The following EEIG1 variants were observed in gnomAD, a reference collection of about 807,000 sequenced individuals.
EEIG1 encodes estrogen-induced osteoclastogenesis regulator 1, also known as early estrogen-induced gene 1 protein.
the EEIG1 span, among the ~76,000 whole-genome samples, chr9:127,947,713 T>C: frequency 6.6e-6 from 1 of 152,182 alleles, no homozygotes; most frequent in South Asian, 2.1e-4. Flanking sequence ...AAGCCTTCCC[T>C]GGCCCCAGAT....
chr9:127,950,411 G>A, the EEIG1 span: 4 of 1,613,182 alleles, frequency 2.5e-6, no homozygotes, highest in East Asian at 8.9e-5. Context: ...GAGGTGGCAG[G>A]ATCCCTGGTA....
the EEIG1 span, chr9:127,950,844 A>C: frequency 2.4e-6 from 1 of 422,610 alleles, no homozygotes; most frequent in Non-Finnish European, 3.7e-6. Context: ...TCCGTGACAC[A>C]GATGCATTGT....
At chr9:127,956,556 G>A in the EEIG1 span, among the ~76,000 whole-genome samples, 1 of 151,034 alleles carries the variant, frequency 6.6e-6, no homozygotes, top group Non-Finnish European at 1.5e-5. Context: ...GATTACAGGT[G>A]CCCACCACCA....
the EEIG1 span, among the ~76,000 whole-genome samples, chr9:127,966,781 T>C: frequency 7.2e-5 from 11 of 152,200 alleles, no homozygotes; most frequent in South Asian, 2.1e-4. Context: ...TGCCAAGTAA[T>C]TCTCAAGCAT....
the EEIG1 span, chr9:127,945,241 A>C: frequency 1.2e-6 from 1 of 810,486 alleles, no homozygotes; most frequent in Admixed American, 2.9e-5. The surrounding 1 kb of genome is among the most constrained non-coding windows in gnomAD (Gnocchi z 6.5). Flanking sequence ...AGCTAGTGGA[A>C]TCGTCACCAC....
chr9:127,957,444 A>G, the EEIG1 span, among the ~76,000 whole-genome samples: 4 of 152,246 alleles, frequency 2.6e-5, no homozygotes, highest in Non-Finnish European at 5.9e-5. Flanking sequence ...ACTACAAAAC[A>G]TTGCTGAAAG....
chr9:127,944,488 G>C, the EEIG1 span: 1 of 697,626 alleles, frequency 1.4e-6, no homozygotes, highest in South Asian at 1.7e-5. Flanking sequence ...TCAGAGACAT[G>C]ACAGGCCCAG....
At chr9:127,958,908 C>G in the EEIG1 span, among the ~76,000 whole-genome samples, 1 of 152,146 alleles carries the variant, frequency 6.6e-6, no homozygotes, top group African/African-American at 2.4e-5. Flanking sequence ...AAGTGGTCAA[C>G]AAGCACACAG....
the EEIG1 span, among the ~76,000 whole-genome samples, chr9:127,977,891 T>C: frequency 6.6e-6 from 1 of 152,122 alleles, no homozygotes; most frequent in Non-Finnish European, 1.5e-5. Context: ...GAGGTGCTAG[T>C]AAAACAGGGA....
the EEIG1 span, among the ~76,000 whole-genome samples, chr9:127,949,594 C>T: frequency 6.6e-6 from 1 of 152,312 alleles, no homozygotes; most frequent in African/African-American, 2.4e-5. Flanking sequence ...GCTCCAGCTC[C>T]CAAGACAATC....
chr9:127,975,509 T>A, the EEIG1 span, among the ~76,000 whole-genome samples: 32 of 152,068 alleles, frequency 2.1e-4, no homozygotes, highest in Non-Finnish European at 4.1e-4. Flanking sequence ...GCCTCCTTCA[T>A]ACAGAGAGTT....
chr9:127,965,072 G>A, the EEIG1 span, among the ~76,000 whole-genome samples: 2 of 121,522 alleles, frequency 1.6e-5, no homozygotes, highest in African/African-American at 3.2e-5. Context: ...TCGCGCCATC[G>A]CACTCCAGCC....
At chr9:127,943,264 T>TC in the EEIG1 span, 1 of 1,611,450 alleles carries the variant, frequency 6.2e-7, no homozygotes, top group African/African-American at 1.3e-5. Flanking sequence ...GGTCAGCATG[T>TC]CCCCCTCGAT....
chr9:127,980,882 C>T, the EEIG1 span, among the ~76,000 whole-genome samples: 1 of 148,746 alleles, frequency 6.7e-6, no homozygotes, highest in Non-Finnish European at 1.5e-5. Context: ...CCCTTCGGCC[C>T]GGCCGGTGGC....
the EEIG1 span, chr9:127,944,096 C>CTA: frequency 5.9e-6 from 1 of 170,256 alleles, no homozygotes; most frequent in Admixed American, 5.8e-5. Flanking sequence ...ACGCAGCACT[C>CTA]TATAAACTGT....
chr9:127,962,312 GA>G, the EEIG1 span, among the ~76,000 whole-genome samples: 1 of 152,242 alleles, frequency 6.6e-6, no homozygotes, highest in Non-Finnish European at 1.5e-5. Flanking sequence ...GAGTAGGGAA[GA>G]AAAGAAAGGA....
At chr9:127,970,058 A>G in the EEIG1 span, among the ~76,000 whole-genome samples, 1 of 152,120 alleles carries the variant, frequency 6.6e-6, no homozygotes, top group East Asian at 1.9e-4. Context: ...CTCAGCAAAG[A>G]CAGCACTGCC....
the EEIG1 span, among the ~76,000 whole-genome samples, chr9:127,980,822 T>C: frequency 6.7e-6 from 1 of 149,062 alleles, no homozygotes; most frequent in African/African-American, 2.4e-5. Context: ...AGGCGCCGCC[T>C]CCTCCTCGAT....
chr9:127,962,021 A>C, the EEIG1 span, among the ~76,000 whole-genome samples: 1 of 152,196 alleles, frequency 6.6e-6, no homozygotes, highest in Non-Finnish European at 1.5e-5. Flanking sequence ...AAGTTGGGCA[A>C]AAGTGGGAAG....
Sources: allele counts gnomAD v4.1 joint callset (sites outside exome capture counted in the v4.1 genomes callset), GRCh38; gene constraint gnomAD v4.1.1; non-coding constraint Gnocchi (gnomAD v3.1); transcripts MANE v1.5; gene names NCBI Gene and HGNC (gene_info 2026-07-23, HGNC 2026-07-21).